Variants in PPFIBP1 observed in about 807,000 individuals in gnomAD.
PPFIBP1 encodes PPFIB scaffold protein 1, also known as liprin-beta-1.
Under a neutral mutation model 137.8 loss-of-function variants are expected in PPFIBP1, and 112 were observed. The observed-to-expected ratio is 0.81, with a 90% CI of 0.70 to 0.95. The LOEUF (loss-of-function observed/expected upper bound fraction) is 0.95, where lower values mean the gene tolerates loss of function less well. Ranked by LOEUF, PPFIBP1 falls within the 40% of genes least tolerant of loss-of-function variation. The pLI is 0.00. For synonymous variants in PPFIBP1, 378 were observed against 417.3 expected, an observed-to-expected ratio of 0.91 and a Z score of 1.15; for missense variants, 1,083 against 1,196.6, an observed-to-expected ratio of 0.91 and a Z score of 1.40.
intron 12 of PPFIBP1, 55 bp downstream of exon 12, chr12:27,664,501 ACT>A: frequency 8.1e-7 from 1 of 1,234,268 alleles, no homozygotes; most frequent in East Asian, 2.5e-5. Context: ...GTGGCTATAA[ACT>A]TACACATTTG....
intron 28 of PPFIBP1, among the ~76,000 whole-genome samples, 163 bp from the exon 29 acceptor site, chr12:27,692,428 T>A (rs183385980): frequency 6.6e-6 from 1 of 152,316 alleles, no homozygotes; most frequent in Admixed American, 6.5e-5. Flanking sequence ...ATTTTTCACT[T>A]CCAGTTGCAG....
chr12:27,676,156 C>A (rs1439349787), intron 17 of PPFIBP1, among the ~76,000 whole-genome samples: 3 of 152,256 alleles, frequency 2.0e-5, no homozygotes, highest in East Asian at 1.9e-4. Context: ...ATTTTTGTAT[C>A]CTAAATATTT....
chr12:27,670,259 ATTTG>A (rs2060097474), intron 13 of PPFIBP1, among the ~76,000 whole-genome samples: 3 of 152,204 alleles, frequency 2.0e-5, no homozygotes, highest in African/African-American at 7.2e-5. Context: ...TGCACAAAGC[ATTTG>A]TTTGAGAAAA....
intron 5 of PPFIBP1, 39 bp from the exon 6 acceptor site, chr12:27,647,690 T>C (rs765423909): frequency 7.5e-7 from 1 of 1,328,958 alleles, no homozygotes; most frequent in Non-Finnish European, 1.0e-6. Flanking sequence ...GGGACCCAAA[T>C]TCTTTTTCAC....
At chr12:27,636,722 G>A (rs1427567628) in intron 4 of PPFIBP1, 1 of 150,146 alleles carries the variant, frequency 6.7e-6, no homozygotes, top group Non-Finnish European at 1.5e-5. Context: ...AACTACCAGT[G>A]GCATCACATC....
chr12:27,650,112 G>T lies in PPFIBP1; in HGVS notation c.574G>T (p.Asp192Tyr), dbSNP rs186690420. Residue 192 changes from aspartate (D) to tyrosine (Y), a missense_variant, in exon 7 of 30, where the codon GAT becomes TAT. Physicochemically the swap from Asp to Tyr is radical, Grantham distance 160. Coordinates refer to ENST00000228425, the MANE Select transcript of PPFIBP1 (RefSeq NM_003622.4). ...KLTAVEKDRLDYEDKFRDTEG... is the reference protein window; with the variant it reads ...KLTAVEKDRLYYEDKFRDTEG... Reference sequence around the variant, plus strand: ...GACAGCTGTAGAGAAGGACAGATTGGATTATGAAGATAAGTTCAGAGACAC... The same window carrying T: ...GACAGCTGTAGAGAAGGACAGATTGTATTATGAAGATAAGTTCAGAGACAC... 7 of 1,608,272 alleles carry T rather than the reference G, an allele frequency of 4.4e-6. No individual in the cohort carries two copies. The East Asian group carries it at 1.3e-4, about 31-fold the overall frequency.
At chr12:27,573,689 A>T (rs1003038481) in intron 1 of PPFIBP1, among the ~76,000 whole-genome samples, 2 of 152,226 alleles carry the variant, frequency 1.3e-5, no homozygotes, top group African/African-American at 2.4e-5. Flanking sequence ...GATTAAAAAG[A>T]AGGTTAAAAG....
chr12:27,553,401 C>T (rs963461849), intron 1 of PPFIBP1, among the ~76,000 whole-genome samples: 16 of 152,104 alleles, frequency 1.1e-4, no homozygotes, highest in Non-Finnish European at 1.0e-4. Context: ...CGATAGGTTG[C>T]CCCTGCCCCG....
At chr12:27,673,194 T>A (rs2060306888) in intron 15 of PPFIBP1, among the ~76,000 whole-genome samples, 1 of 152,194 alleles carries the variant, frequency 6.6e-6, no homozygotes, top group South Asian at 2.1e-4. Flanking sequence ...TGAATATTAA[T>A]TATGTGAAAG....
At chr12:27,599,554 T>G (rs2137670117) in intron 2 of PPFIBP1, 1 of 454,142 alleles carries the variant, frequency 2.2e-6, no homozygotes, top group Non-Finnish European at 4.4e-6. Flanking sequence ...TCCTTTTTCT[T>G]TCATCTTTCT....
rs552658253 is a variant in PPFIBP1 at position 27,665,456 on chromosome 12, G to A, written c.991+1010G>A. Reference sequence around the variant, plus strand: ...TGGTTCCATTGACTGATATGGGGAAGCCTAGAGAAGGAACATTGGGCTGGG... The same window carrying A: ...TGGTTCCATTGACTGATATGGGGAAACCTAGAGAAGGAACATTGGGCTGGG... On this transcript the variant is annotated intron_variant, in intron 12 of 29. Transcript: ENST00000228425. Among the ~76,000 whole-genome samples the A allele has an allele frequency of 3.9e-5, 6 of 152,286 alleles. 1 individual carries two copies. The East Asian group carries it at 9.7e-4, about 25-fold the overall frequency.
chr12:27,676,958 G>A lies in PPFIBP1; in HGVS notation c.1583-106G>A, dbSNP rs112785577. 5.2e-5 allele frequency: 75 copies of A among 1,442,912 alleles called. 1 individual carries two copies. The highest frequency in any genetic ancestry group is 1.0e-4 in the Admixed American group (6 of 58,524). 89.4% of individuals were successfully genotyped at this position (1,442,912 alleles called of 1,614,324 possible). On this transcript the variant is annotated intron_variant, in intron 18 of 29. Coordinates refer to ENST00000228425, the MANE Select transcript of PPFIBP1 (RefSeq NM_003622.4). ...TGTGTGCCGCATGCCTCTCCTCCAC[G>A]GTGTGTATTTGGCGAGGAGGAGTCT...
At position 27,671,506 on chromosome 12, in the gene PPFIBP1, T is replaced by C. The variant is rs200687061; in HGVS notation, c.1222T>C (p.Ser408Pro). The change falls in exon 14 of 30, where the codon TCA (serine) becomes CCA (proline). Residue 408 changes from serine (S) to proline (P), a missense_variant. Physicochemically the swap from Ser to Pro is moderately conservative, Grantham distance 74. Transcript: ENST00000228425. ...ATVSMETSEK[S>P]KLTPKPETSF... ...TGTAAGCATGGAAACTTCTGAAAAA[T>C]CAAAGTTGACTCCTAAGCCAGAGAC... The C allele has an allele frequency of 2.2e-5, 36 of 1,601,950 alleles. No homozygotes were observed. In the East Asian group the frequency reaches 7.7e-4, roughly 34 times the overall value.
intron 2 of PPFIBP1, among the ~76,000 whole-genome samples, chr12:27,591,857 T>C (rs1038841767): frequency 6.6e-6 from 1 of 152,204 alleles, no homozygotes; most frequent in African/African-American, 2.4e-5. Flanking sequence ...CTGTCTGATC[T>C]CTGAAATTGA....
intron 1 of PPFIBP1, among the ~76,000 whole-genome samples, chr12:27,568,661 C>T (rs933469394): frequency 6.6e-6 from 1 of 152,190 alleles, no homozygotes. Context: ...AGACTTCTCC[C>T]GTCTTCTAGA....
intron 2 of PPFIBP1, 69 bp downstream of exon 2, chr12:27,578,308 G>A (rs758073703): frequency 2.4e-4 from 36 of 152,298 alleles, no homozygotes; most frequent in Middle Eastern, 6.8e-3. Context: ...CTCTCAGTGT[G>A]TGTGAATTTT....
At chr12:27,623,830 GA>G (rs1264275148) in intron 2 of PPFIBP1, among the ~76,000 whole-genome samples, 2 of 152,172 alleles carry the variant, frequency 1.3e-5, no homozygotes, top group African/African-American at 4.8e-5. Context: ...GGATACTTAA[GA>G]CATCAGAGTG....
intron 2 of PPFIBP1, among the ~76,000 whole-genome samples, chr12:27,632,002 G>T (rs770411217): frequency 2.0e-5 from 3 of 151,720 alleles, no homozygotes; most frequent in Non-Finnish European, 4.4e-5. Flanking sequence ...AATGACCTAG[G>T]TTCATAACCT....
intron 1 of PPFIBP1, among the ~76,000 whole-genome samples, chr12:27,544,762 A>G (rs552924365): frequency 8.5e-4 from 129 of 152,342 alleles, no homozygotes; most frequent in African/African-American, 2.9e-3. Flanking sequence ...GAGAGGATGT[A>G]GAGAAATAGG....
Sources: gnomAD v4.1 joint callset for allele counts (sites outside exome capture counted in the v4.1 genomes callset) on GRCh38, gnomAD v4.1.1 for gene constraint, MANE v1.5 for transcripts, NCBI Gene and HGNC (gene_info 2026-07-23, HGNC 2026-07-21) for gene names.